LRPAP1: variants seen among roughly 807,000 people sequenced by gnomAD.
LRPAP1 encodes alpha-2-macroglobulin receptor-associated protein.
Under a neutral mutation model 39.9 loss-of-function variants are expected in LRPAP1, and 41 were observed. That is an observed-to-expected ratio of 1.03 (90% CI 0.80 to 1.33). The LOEUF (loss-of-function observed/expected upper bound fraction) is 1.33. LRPAP1 is among the 40% of genes most tolerant of loss of function. The pLI is 0.00. For missense variants in LRPAP1, 565 were observed against 482.3 expected, an observed-to-expected ratio of 1.17 and a Z score of -1.61; for synonymous variants, 263 against 212.7, an observed-to-expected ratio of 1.24 and a Z score of -2.06.
At chr4:3,516,490 G>GCCCA (rs35438632) in intron 5 of LRPAP1, among the ~76,000 whole-genome samples, 4 of 59,818 alleles carry the variant, frequency 6.7e-5, no homozygotes, top group Admixed American at 5.3e-4. Context: ...AAGCGCCACA[G>GCCCA]CCCGCCCTGG....
chr4:3,525,949 G>A lies in LRPAP1; in HGVS notation c.205-898C>T, dbSNP rs558686541. Among the ~76,000 whole-genome samples the A allele has an allele frequency of 7.9e-5, 12 of 152,302 alleles. No individual in the cohort carries two copies. The East Asian group carries it at 2.3e-3, about 29-fold the overall frequency. On this transcript the variant is annotated intron_variant, in intron 1 of 7. Coordinates refer to ENST00000650182, the MANE Select transcript of LRPAP1 (RefSeq NM_002337.4). ...CAACTCTGGCCTCGGGGCTGGCCCG[G>A]CCGCTAAGAGGCGTGCGCTGGGGCA... is the stretch of plus-strand genomic sequence containing the variant.
chr4:3,530,038 C>T (rs187134432), intron 1 of LRPAP1, among the ~76,000 whole-genome samples: 171 of 152,310 alleles, frequency 1.1e-3, no homozygotes, highest in African/African-American at 3.7e-3. Flanking sequence ...TCCAAGACCC[C>T]GTCTCCGTCT....
At chr4:3,516,034 G>A (rs954057661) in intron 6 of LRPAP1, 82 bp downstream of exon 6, 20 of 1,300,342 alleles carry the variant, frequency 1.5e-5, no homozygotes, top group Admixed American at 2.0e-5. Flanking sequence ...TTGGAGGAGA[G>A]GGCTGCATTT....
At chr4:3,532,036 G>A (rs1232732105) in intron 1 of LRPAP1, 173 bp downstream of exon 1, 8 of 725,640 alleles carry the variant, frequency 1.1e-5, no homozygotes, top group South Asian at 1.9e-5. Flanking sequence ...TGCAGAAGGG[G>A]TCGGGGCGCC....
Position 3,512,694 on chromosome 4 carries a change from C to CA in LRPAP1, c.*279dup, listed in dbSNP as rs1729566066. 4.3e-6 allele frequency: 2 copies of CA among 468,996 alleles called. No homozygotes were observed. Among genetic ancestry groups the CA allele is most frequent in the Admixed American group, 3.9e-5 (1 of 25,888 alleles). 29.1% of individuals were successfully genotyped at this position (468,996 alleles called of 1,614,324 possible). ...ACTATCAGACCTGACAGCAGCTGGA[C>CA]ATCGAGGTCCTCACTGGGGTGGTGA... On this transcript the variant is annotated 3_prime_UTR_variant, in exon 8 of 8. Transcript: ENST00000650182.
At position 3,505,683 on chromosome 4, in the gene LRPAP1, C is replaced by A. The variant is rs927136971; in HGVS notation, c.*7291G>T. The stretch of plus-strand genomic sequence containing the variant: ...TCTATACCAGCTACCCCAAGACCGT[C>A]TATACCAGCTACCCCAAGACCGTCT... On this transcript the variant is annotated 3_prime_UTR_variant, in exon 8 of 8. Transcript: ENST00000650182. Among the ~76,000 whole-genome samples, 1 of 152,260 alleles carries A rather than the reference C, an allele frequency of 6.6e-6. No homozygotes were observed. Among genetic ancestry groups the A allele is most frequent in the Non-Finnish European group, 1.5e-5 (1 of 68,048 alleles).
intron 2 of LRPAP1, among the ~76,000 whole-genome samples, chr4:3,524,228 A>G (rs1730009504): frequency 6.6e-6 from 1 of 152,162 alleles, no homozygotes; most frequent in South Asian, 2.1e-4. Flanking sequence ...CAACTCTGTC[A>G]TTTAAAACCC....
intron 2 of LRPAP1, among the ~76,000 whole-genome samples, chr4:3,522,357 G>A (rs992372870): frequency 6.6e-6 from 1 of 152,248 alleles, no homozygotes; most frequent in Non-Finnish European, 1.5e-5. Context: ...CCACGGCTGC[G>A]ATCAGCAGCA....
chr4:3,530,464 A>G (rs1199710869), intron 1 of LRPAP1, among the ~76,000 whole-genome samples: 1 of 152,250 alleles, frequency 6.6e-6, no homozygotes, highest in Non-Finnish European at 1.5e-5. Context: ...CGTTCTGTTC[A>G]GCAAAAAAGA....
chr4:3,531,706 G>A (rs1730260478), intron 1 of LRPAP1, among the ~76,000 whole-genome samples: 1 of 152,244 alleles, frequency 6.6e-6, no homozygotes, highest in Admixed American at 6.5e-5. Flanking sequence ...CGCGTTTTAT[G>A]TGCTCTAAAC....
At chr4:3,531,247 C>A (rs1009100815) in intron 1 of LRPAP1, among the ~76,000 whole-genome samples, 1 of 152,146 alleles carries the variant, frequency 6.6e-6, no homozygotes. Flanking sequence ...CCCATCCCCA[C>A]GCAGTCTTAT....
rs1366602196 is a variant in LRPAP1 at position 3,513,050 on chromosome 4, C to T, written c.1012-14G>A. On this transcript the variant is annotated splice_polypyrimidine_tract_variant and intron_variant, in intron 7 of 7. Coordinates refer to ENST00000650182, the MANE Select transcript of LRPAP1 (RefSeq NM_002337.4). Reference sequence around the variant, plus strand: ...ATGCTTCTTCACCTGTGGACAGAAACGTCTCATCAGCTGGGGACAGCGCGC... The same window carrying T: ...ATGCTTCTTCACCTGTGGACAGAAATGTCTCATCAGCTGGGGACAGCGCGC... The T allele has an allele frequency of 8.7e-6, 14 of 1,609,124 alleles. No homozygotes were observed. The highest frequency in any genetic ancestry group is 3.4e-5 in the Admixed American group (2 of 59,576).
intron 1 of LRPAP1, among the ~76,000 whole-genome samples, chr4:3,525,920 T>C (rs1479779060): frequency 2.6e-5 from 4 of 152,240 alleles, no homozygotes; most frequent in African/African-American, 9.6e-5. Context: ...CGGCCAGCTC[T>C]CATCAACTCT....
At position 3,516,830 on chromosome 4, in the gene LRPAP1, G is replaced by C. The variant is rs573677169; in HGVS notation, c.752-632C>G. ...ATGGAGCCCCGCAACAGTGGCCCCT[G>C]CTCCCTCCTCTGCTGACCCCTTCCT... On this transcript the variant is annotated intron_variant, in intron 5 of 7. Coordinates refer to ENST00000650182, the MANE Select transcript of LRPAP1 (RefSeq NM_002337.4). Among the ~76,000 whole-genome samples the C allele has an allele frequency of 6.6e-5, 10 of 152,318 alleles. No homozygotes were observed. The East Asian group carries it at 1.9e-3, about 29-fold the overall frequency.
rs1024927048 is a variant in LRPAP1 at position 3,508,033 on chromosome 4, C to G, written c.*4941G>C. ...TCATGTCTTTTTTTTTGAGACAGAG[C>G]CTCGCTCTGTTGCCCAGGCTGGAGT... On this transcript the variant is annotated 3_prime_UTR_variant, in exon 8 of 8. Coordinates refer to ENST00000650182, the MANE Select transcript of LRPAP1 (RefSeq NM_002337.4). The G allele has an allele frequency of 6.6e-6, 1 of 151,950 alleles. No homozygotes were observed. Among genetic ancestry groups the G allele is most frequent in the Non-Finnish European group, 1.5e-5 (1 of 67,990 alleles). The allele number at this position is 151,950 out of a possible 1,614,324, so 9.4% of individuals were successfully genotyped here.
chr4:3,517,408 T>C (rs1729746334), intron 5 of LRPAP1, among the ~76,000 whole-genome samples: 1 of 152,242 alleles, frequency 6.6e-6, no homozygotes, highest in South Asian at 2.1e-4. Flanking sequence ...CCTAGAGCAG[T>C]GCCTGGCGTG....
chr4:3,520,055 A>G lies in LRPAP1; in HGVS notation c.471+17T>C. ...ACGGCACCAATTCTGCAAGGTATGC[A>G]AACAATCGAAGAGTACCTTGTGCCA... On this transcript the variant is annotated intron_variant, in intron 3 of 7. Coordinates refer to ENST00000650182, the MANE Select transcript of LRPAP1 (RefSeq NM_002337.4). The G allele has an allele frequency of 1.2e-6, 2 of 1,613,322 alleles. No individual in the cohort carries two copies. The highest frequency in any genetic ancestry group is 1.7e-6 in the Non-Finnish European group (2 of 1,179,444).
intron 3 of LRPAP1, among the ~76,000 whole-genome samples, chr4:3,519,449 GCC>G (rs1729841140): frequency 6.6e-6 from 1 of 152,196 alleles, no homozygotes; most frequent in Non-Finnish European, 1.5e-5. Context: ...CTCCCTCTCT[GCC>G]CCCTTCTACC....
rs372573985 is a variant in LRPAP1 at position 3,513,805 on chromosome 4, T to A, written c.1012-769A>T. ...AGCCCAGCCTGGGCTGGGGTCACTG[T>A]AGCTCTCCCCAGATTCTCACAAAAC... On this transcript the variant is annotated intron_variant, in intron 7 of 7. Transcript: ENST00000650182. Among the ~76,000 whole-genome samples the A allele has an allele frequency of 2.2e-3, 337 of 152,260 alleles. 1 individual carries two copies. The highest frequency in any genetic ancestry group is 7.4e-3 in the African/African-American group (309 of 41,562).
Sources: allele counts gnomAD v4.1 joint callset (sites outside exome capture counted in the v4.1 genomes callset), GRCh38; gene constraint gnomAD v4.1.1; transcripts MANE v1.5; gene names NCBI Gene and HGNC (gene_info 2026-07-23, HGNC 2026-07-21).